The following ZEB2 variants were observed in gnomAD, a reference collection of about 807,000 sequenced individuals.
ZEB2 encodes the protein zinc finger E-box binding homeobox 2, also known as zinc finger E-box-binding homeobox 2.
A neutral mutation model predicts 99.9 loss-of-function variants in ZEB2; 6 were observed. The observed-to-expected ratio is 0.06, with a 90% CI of 0.03 to 0.12. The LOEUF is 0.12. Among genes scored for constraint, ZEB2 ranks in the 10% least tolerant of loss-of-function variants. The probability of loss-of-function intolerance (pLI) is 1.00; values close to 1 mark genes in which losing one functional copy is unlikely to be tolerated. For synonymous variants in ZEB2, 517 were observed against 542.5 expected (o/e 0.95, Z 0.65); for missense variants, 969 against 1,502.8 (o/e 0.64, Z 5.87).
Position 144,444,898 on chromosome 2 carries a change from CT to C in ZEB2, c.74-14873del, listed in dbSNP as rs1213534166. The C allele has an allele frequency of 2.6e-5, 4 of 152,270 alleles. No individual in the cohort carries two copies. The East Asian group carries it at 7.7e-4, about 29-fold the overall frequency. 9.4% of individuals were successfully genotyped at this position (152,270 alleles called of 1,614,324 possible). A position where few individuals can be genotyped will look rare whatever the true frequency, so the allele number is the denominator to read the frequency against. On this transcript the variant is annotated intron_variant, in intron 2 of 9. Coordinates refer to ENST00000627532, the MANE Select transcript of ZEB2 (RefSeq NM_014795.4). ...TGATACAAAGGTAGCTCTCTGGCTCCTCACTGCCCAATTCTTGAATAGCCTC... is the reference window on the plus strand; with the variant it reads ...TGATACAAAGGTAGCTCTCTGGCTCCCACTGCCCAATTCTTGAATAGCCTC...
At chr2:144,506,989 A>G (rs1353954070) in intron 2 of ZEB2, among the ~76,000 whole-genome samples, 1 of 152,162 alleles carries the variant, frequency 6.6e-6, no homozygotes, top group Non-Finnish European at 1.5e-5. Flanking sequence ...GTGGTCATCT[A>G]CCTCTCTCAC....
chr2:144,399,465 G>A lies in ZEB2; in HGVS notation c.1722C>T (p.Asn574=). 4 of 1,614,152 alleles carry A rather than the reference G, an allele frequency of 2.5e-6. No individual in the cohort carries two copies. The highest frequency in any genetic ancestry group is 3.4e-6 in the Non-Finnish European group (4 of 1,180,040). ...DLVTDDKMIE[N]HNISTPFSCQ... ...ATGAAAATGGAGTGGATATGTTGTG[G>A]TTCTCAATCATTTTGTCATCAGTGA... is the stretch of plus-strand genomic sequence containing the variant. Residue 574 remains asparagine (N), a synonymous_variant, in exon 8 of 10, where the codon AAC becomes AAT. Coordinates refer to ENST00000627532, the MANE Select transcript of ZEB2 (RefSeq NM_014795.4). The surrounding 1 kb of genome is among the most constrained non-coding windows in gnomAD (Gnocchi z 5.6).
Position 144,389,598 on chromosome 2 carries a change from T to G in ZEB2, c.3498A>C (p.Glu1166Asp). The change falls in exon 10 of 10, where the codon GAA (glutamate) becomes GAC (aspartate). Residue 1166 changes from glutamate to aspartate, a missense_variant. This residue lies in a region of ZEB2 where 121 missense variants were observed against 166.4 expected (regional missense o/e 0.73). Coordinates refer to ENST00000627532, the MANE Select transcript of ZEB2 (RefSeq NM_014795.4). This position sits in a 1 kb window ranked among gnomAD's most constrained non-coding sequence, Gnocchi z 6.8. ...GDEEFEEEEE[E>D]SENKSMDTDP... is the part of the protein sequence containing the mutation. The stretch of plus-strand genomic sequence containing the variant: ...CCGTATCCATACTTTTATTTTCACT[T>G]TCTTCCTCTTCCTCCTCGAACTCCT... 1 of 1,614,122 alleles carries G rather than the reference T, an allele frequency of 6.2e-7. No individual in the cohort carries two copies. Among genetic ancestry groups the G allele is most frequent in the Non-Finnish European group, 8.5e-7 (1 of 1,180,032 alleles).
chr2:144,510,637 A>T (rs558601315), intron 2 of ZEB2, among the ~76,000 whole-genome samples: 24 of 151,766 alleles, frequency 1.6e-4, no homozygotes, highest in Non-Finnish European at 2.4e-4. Flanking sequence ...GGGGAAGCCC[A>T]ACAAACAGCC....
At chr2:144,492,781 T>C (rs1704699248) in intron 2 of ZEB2, among the ~76,000 whole-genome samples, 1 of 152,202 alleles carries the variant, frequency 6.6e-6, no homozygotes, top group Non-Finnish European at 1.5e-5. Flanking sequence ...AAAAAGTTAT[T>C]AATATGGTGG....
At position 144,389,640 on chromosome 2, in the gene ZEB2, G is replaced by T; in HGVS notation, c.3456C>A (p.Gly1152=). ...CGAACTCCTCGTCGCCATCCTGTCTGCCCAGCTTCCCGTAGCCATCCTCGC... is the reference window on the plus strand; with the variant it reads ...CGAACTCCTCGTCGCCATCCTGTCTTCCCAGCTTCCCGTAGCCATCCTCGC... The part of the protein sequence containing the change: ...KEGEDGYGKL[G]RQDGDEEFEE... Residue 1152 remains glycine (G), a synonymous_variant, in exon 10 of 10, where the codon GGC becomes GGA. Coordinates refer to ENST00000627532, the MANE Select transcript of ZEB2 (RefSeq NM_014795.4). This position sits in a 1 kb window ranked among gnomAD's most constrained non-coding sequence, Gnocchi z 6.8. The T allele has an allele frequency of 6.2e-7, 1 of 1,613,882 alleles. No individual in the cohort carries two copies. Among genetic ancestry groups the T allele is most frequent in the South Asian group, 1.1e-5 (1 of 91,072 alleles).
chr2:144,385,957 T>C lies in ZEB2; in HGVS notation c.*3494A>G, dbSNP rs1410917002. Reference sequence around the variant, plus strand: ...CCAGTCCAATTCATGCTAAGGAAGATGTATGTTTTGTTTAGCTCTTGCGGA... The same window carrying C: ...CCAGTCCAATTCATGCTAAGGAAGACGTATGTTTTGTTTAGCTCTTGCGGA... On this transcript the variant is annotated 3_prime_UTR_variant, in exon 10 of 10. Coordinates refer to ENST00000627532, the MANE Select transcript of ZEB2 (RefSeq NM_014795.4). 6.6e-6 allele frequency: 1 copy of C among 152,174 alleles called. No homozygotes were observed. The highest frequency in any genetic ancestry group is 1.9e-4 in the East Asian group (1 of 5,200). The allele number at this position is 152,174 out of a possible 1,614,324, so 9.4% of individuals were successfully genotyped here. A position where few individuals can be genotyped will look rare whatever the true frequency, so the allele number is the denominator to read the frequency against.
At chr2:144,431,656 C>T (rs1468447943) in intron 2 of ZEB2, among the ~76,000 whole-genome samples, 2 of 151,700 alleles carry the variant, frequency 1.3e-5, no homozygotes, top group African/African-American at 4.8e-5. Flanking sequence ...CTGGGTAATG[C>T]CCTCAGATCT....
At chr2:144,456,738 G>A (rs189899147) in intron 2 of ZEB2, among the ~76,000 whole-genome samples, 16 of 152,140 alleles carry the variant, frequency 1.1e-4, no homozygotes, top group African/African-American at 2.4e-4. Flanking sequence ...ACAGTCATCC[G>A]TACAGTGGCC....
At chr2:144,392,367 C>CT (rs1412117945) in intron 9 of ZEB2, among the ~76,000 whole-genome samples, 8 of 148,410 alleles carry the variant, frequency 5.4e-5, no homozygotes, top group Non-Finnish European at 9.1e-5. Context: ...CAAGCATCCT[C>CT]TGTTATAGGT....
In ZEB2 at chr2:144,384,375, GTTAT is replaced by G. The variant is rs1703053011; in HGVS notation, c.*5072_*5075del. 6.6e-6 allele frequency: 1 copy of G among 151,732 alleles called. No homozygotes were observed. Among genetic ancestry groups the G allele is most frequent in the Admixed American group, 6.6e-5 (1 of 15,232 alleles). 9.4% of individuals were successfully genotyped at this position (151,732 alleles called of 1,614,324 possible). A position where few individuals can be genotyped will look rare whatever the true frequency, so the allele number is the denominator to read the frequency against. On this transcript the variant is annotated 3_prime_UTR_variant, in exon 10 of 10. Coordinates refer to ENST00000627532, the MANE Select transcript of ZEB2 (RefSeq NM_014795.4). ...AATGAAGACTGAAGGATTTATTTCT[GTTAT>G]TTAATAGCATTTGTTTAATTCCGAG...
At chr2:144,416,980 T>C (rs941361745) in intron 4 of ZEB2, among the ~76,000 whole-genome samples, 4 of 152,272 alleles carry the variant, frequency 2.6e-5, no homozygotes, top group Admixed American at 1.3e-4. Context: ...CTAGAAATGA[T>C]AGCGCATTTA....
chr2:144,422,829 C>T (rs1703638253), intron 4 of ZEB2, among the ~76,000 whole-genome samples: 1 of 152,026 alleles, frequency 6.6e-6, no homozygotes, highest in Non-Finnish European at 1.5e-5. Flanking sequence ...CAAAACAAAA[C>T]AACAAAAAAC....
At chr2:144,483,421 C>T (rs1049311712) in intron 2 of ZEB2, among the ~76,000 whole-genome samples, 1 of 152,128 alleles carries the variant, frequency 6.6e-6, no homozygotes, top group Admixed American at 6.5e-5. Flanking sequence ...ACTCTATAAC[C>T]ATGAGTCGCA....
chr2:144,419,495 G>A (rs936827135), intron 4 of ZEB2, among the ~76,000 whole-genome samples: 1 of 152,152 alleles, frequency 6.6e-6, no homozygotes, highest in East Asian at 1.9e-4. Flanking sequence ...AAACATCAGG[G>A]CCCTATTTGG....
At chr2:144,513,777 TG>T in intron 2 of ZEB2, 2 of 1,536,032 alleles carry the variant, frequency 1.3e-6, no homozygotes, top group Non-Finnish European at 1.7e-6. Flanking sequence ...CCGCTCCGAG[TG>T]CTCATTTCTG....
chr2:144,404,537 CT>C (rs1225127691), intron 5 of ZEB2, among the ~76,000 whole-genome samples: 1 of 151,802 alleles, frequency 6.6e-6, no homozygotes, highest in Non-Finnish European at 1.5e-5. Flanking sequence ...TCGGTCTCAA[CT>C]TTTTTTTCCT....
intron 2 of ZEB2, chr2:144,512,022 C>G: frequency 7.8e-7 from 1 of 1,287,162 alleles, no homozygotes; most frequent in African/African-American, 1.5e-5. Flanking sequence ...AACCAAAGAG[C>G]AATCAAAAAG....
At chr2:144,512,370 G>A in intron 2 of ZEB2, 1 of 1,287,216 alleles carries the variant, frequency 7.8e-7, no homozygotes, top group Non-Finnish European at 1.0e-6. Flanking sequence ...ACGCGGCACT[G>A]CTAGAGGCTA....
Sources: gnomAD v4.1 joint callset for allele counts (sites outside exome capture counted in the v4.1 genomes callset) on GRCh38, gnomAD v4.1.1 for gene constraint, gnomAD v4.1.1 regional missense constraint, Gnocchi (gnomAD v3.1) non-coding constraint, MANE v1.5 for transcripts, NCBI Gene and HGNC (gene_info 2026-07-23, HGNC 2026-07-21) for gene names.